The following RARB variants were observed in gnomAD, a reference collection of about 807,000 sequenced individuals.
The protein encoded by RARB is HBV-activated protein.
RARB carries 17 observed loss-of-function variants against 51.9 expected under a neutral mutation model. The ratio of observed to expected loss-of-function variants is 0.33; its 90% CI spans 0.22 to 0.49. RARB has a LOEUF of 0.49. Ranked by LOEUF, RARB falls within the 20% of genes least tolerant of loss-of-function variation. RARB has a pLI of 0.99. For synonymous variants in RARB, 215 were observed against 195.4 expected (o/e 1.10, Z -0.84); for missense variants, 369 against 550.8 (o/e 0.67, Z 3.30).
intron 2 of RARB, among the ~76,000 whole-genome samples, chr3:24,917,678 G>C (rs1383230687): frequency 6.6e-6 from 1 of 152,170 alleles, no homozygotes; most frequent in African/African-American, 2.4e-5. Flanking sequence ...CTACAGGCGT[G>C]TGCCATGCCT....
At chr3:25,504,604 C>G (rs1697478013) in intron 3 of RARB, among the ~76,000 whole-genome samples, 1 of 152,002 alleles carries the variant, frequency 6.6e-6, no homozygotes, top group Non-Finnish European at 1.5e-5. Context: ...CAAAAATGAC[C>G]TCATGTCCAC....
intron 2 of RARB, among the ~76,000 whole-genome samples, chr3:25,040,330 A>C (rs572772540): frequency 6.6e-6 from 1 of 152,328 alleles, no homozygotes; most frequent in East Asian, 1.9e-4. Context: ...GTTAAGGGGA[A>C]GCCAATGGAA....
intron 5 of RARB, among the ~76,000 whole-genome samples, chr3:25,269,529 G>A (rs1865750): frequency 0.76 from 115,325 of 152,114 alleles, 44,404 homozygotes; most frequent in East Asian, 0.85. Context: ...GATACTAACA[G>A]GAAGAGCTGC....
intron 1 of RARB, among the ~76,000 whole-genome samples, chr3:25,430,980 A>G (rs1326716259): frequency 6.7e-6 from 1 of 149,018 alleles, no homozygotes; most frequent in Non-Finnish European, 1.5e-5. Flanking sequence ...GCATAAATAA[A>G]ACTAAAACTT....
intron 2 of RARB, among the ~76,000 whole-genome samples, chr3:25,475,411 A>T (rs1307591437): frequency 1.3e-5 from 2 of 151,256 alleles, no homozygotes; most frequent in Admixed American, 6.6e-5. Flanking sequence ...AGGGGGGGGG[A>T]TCCCCTGCAA....
At chr3:25,195,951 C>G (rs956490287) in intron 5 of RARB, among the ~76,000 whole-genome samples, 2 of 151,918 alleles carry the variant, frequency 1.3e-5, no homozygotes, top group Non-Finnish European at 2.9e-5. Flanking sequence ...TGAACTAATG[C>G]AAACAAGACT....
chr3:25,276,363 A>G (rs1703382848), intron 5 of RARB, among the ~76,000 whole-genome samples: 1 of 152,206 alleles, frequency 6.6e-6, no homozygotes, highest in Non-Finnish European at 1.5e-5. Flanking sequence ...TGATTTGATC[A>G]TTATACAATG....
Position 25,177,185 on chromosome 3 carries a change from T to G in RARB, c.178+2610T>G, listed in dbSNP as rs1407465454. On this transcript the variant is annotated intron_variant, in intron 5 of 11. Transcript: ENST00000383772. ...AATGATTAAAAGAAGCCACAATGAA[T>G]ATGACTCTGTTAGTTGGCCCTCAAA... Among the ~76,000 whole-genome samples, 2 of 152,206 alleles carry G rather than the reference T, an allele frequency of 1.3e-5. 1 individual carries two copies. The highest frequency in any genetic ancestry group is 4.8e-5 in the African/African-American group (2 of 41,458).
rs949840039 is a variant in RARB, at chr3:25,333,401, A to C, written c.179-127792A>C. On this transcript the variant is annotated intron_variant, in intron 5 of 11. Transcript: ENST00000383772. ...ATCTACGACCATCTAGTCTTTGACAAACCTGACAAAAACAAGAAATGGGGA... is the reference window on the plus strand; with the variant it reads ...ATCTACGACCATCTAGTCTTTGACACACCTGACAAAAACAAGAAATGGGGA... 7.2e-5 allele frequency among the ~76,000 whole-genome samples: 11 copies of C among 152,316 alleles called. No homozygotes were observed. The South Asian group carries it at 8.3e-4, about 11-fold the overall frequency.
At chr3:25,036,766 C>A (rs1177373953) in intron 2 of RARB, among the ~76,000 whole-genome samples, 1 of 152,134 alleles carries the variant, frequency 6.6e-6, no homozygotes, top group African/African-American at 2.4e-5. Context: ...TCACTACAAG[C>A]CATGCAGCCA....
intron 1 of RARB, among the ~76,000 whole-genome samples, chr3:25,430,394 G>A (rs1164536319): frequency 6.6e-6 from 1 of 152,134 alleles, no homozygotes; most frequent in East Asian, 1.9e-4. Context: ...GGAATCCCAG[G>A]GAACTGGGGC....
intron 2 of RARB, among the ~76,000 whole-genome samples, chr3:24,999,390 G>A (rs1697110333): frequency 6.6e-6 from 1 of 152,070 alleles, no homozygotes. Context: ...CTGAGTTTGG[G>A]GAGGATGCCT....
At chr3:25,521,955 A>G (rs940917888) in intron 3 of RARB, among the ~76,000 whole-genome samples, 2 of 152,106 alleles carry the variant, frequency 1.3e-5, no homozygotes, top group Admixed American at 6.6e-5. Context: ...TGGTTTTTGA[A>G]CATAATGTGC....
chr3:25,143,321 A>G (rs919519558), intron 4 of RARB, among the ~76,000 whole-genome samples: 2 of 152,190 alleles, frequency 1.3e-5, no homozygotes, highest in Non-Finnish European at 2.9e-5. Flanking sequence ...GCACTGTAAG[A>G]ACTGGTTTTC....
intron 5 of RARB, among the ~76,000 whole-genome samples, chr3:25,328,935 C>T (rs1704808126): frequency 6.6e-6 from 1 of 152,212 alleles, no homozygotes; most frequent in Admixed American, 6.5e-5. Flanking sequence ...GCTAGCACAG[C>T]AGTCTGAGAT....
intron 2 of RARB, among the ~76,000 whole-genome samples, chr3:24,902,661 GTC>G (rs930118740): frequency 3.3e-5 from 5 of 151,828 alleles, no homozygotes; most frequent in African/African-American, 9.7e-5. Context: ...TCTGGTCTCT[GTC>G]TCTCTTTCTG....
chr3:24,989,372 T>C (rs1397063758), intron 2 of RARB, among the ~76,000 whole-genome samples: 1 of 152,170 alleles, frequency 6.6e-6, no homozygotes, highest in African/African-American at 2.4e-5. Flanking sequence ...TACTTGAAAG[T>C]AGGAATTGTT....
chr3:24,911,245 A>G (rs750694376), intron 2 of RARB, among the ~76,000 whole-genome samples: 2 of 152,182 alleles, frequency 1.3e-5, no homozygotes, highest in Non-Finnish European at 2.9e-5. Flanking sequence ...GAGAATTAGA[A>G]TTCTTAAGAA....
At chr3:25,415,913 T>TA (rs1283256089) in intron 5 of RARB, among the ~76,000 whole-genome samples, 1 of 152,218 alleles carries the variant, frequency 6.6e-6, no homozygotes, top group Non-Finnish European at 1.5e-5. Context: ...CTACTTTTTT[T>TA]ATGATAGACA....
Sources: gnomAD v4.1 joint callset for allele counts (sites outside exome capture counted in the v4.1 genomes callset) on GRCh38, gnomAD v4.1.1 for gene constraint, MANE v1.5 for transcripts, NCBI Gene and HGNC (gene_info 2026-07-23, HGNC 2026-07-21) for gene names.